TOP1: variants seen among roughly 807,000 people sequenced by gnomAD.
TOP1 encodes DNA topoisomerase I.
TOP1 carries 10 observed loss-of-function variants against 111.1 expected under a neutral mutation model. That is an observed-to-expected ratio of 0.09 (90% CI 0.06 to 0.15). The LOEUF (loss-of-function observed/expected upper bound fraction) is 0.15, where lower values mean the gene tolerates loss of function less well. TOP1 is among the 10% of genes least tolerant of loss of function. TOP1 has a pLI of 1.00. For synonymous variants in TOP1, 271 were observed against 302.9 expected, an observed-to-expected ratio of 0.89 and a Z score of 1.10; for missense variants, 474 against 926.7, an observed-to-expected ratio of 0.51 and a Z score of 6.34.
intron 8 of TOP1, among the ~76,000 whole-genome samples, chr20:41,085,660 CT>C (rs1191793905): frequency 1.3e-5 from 2 of 152,294 alleles, no homozygotes; most frequent in Admixed American, 1.3e-4. Context: ...TCTCATTTTC[CT>C]TTCCAGCTTT....
intron 5 of TOP1, 39 bp downstream of exon 5, chr20:41,077,676 G>C (rs764399528): frequency 4.4e-6 from 7 of 1,586,406 alleles, no homozygotes; most frequent in Non-Finnish European, 6.1e-6. Flanking sequence ...CTTTCTCTGG[G>C]TGGACAGCAG....
chr20:41,055,261 G>A (rs2033456396), intron 2 of TOP1, among the ~76,000 whole-genome samples: 2 of 152,198 alleles, frequency 1.3e-5, no homozygotes, highest in Admixed American at 6.5e-5. Context: ...TTTCATATCT[G>A]TCAGTTAAAT....
rs1244068607 is a variant in TOP1 at position 41,101,156 on chromosome 20, T to C, written c.1164-53T>C. 16 of 1,601,976 alleles carry C rather than the reference T, an allele frequency of 1.0e-5. No individual in the cohort carries two copies. Among genetic ancestry groups the C allele is most frequent in the South Asian group, 1.1e-5 (1 of 90,550 alleles). ...TAGGTCCACTTGGGGTCATGAAAGG[T>C]GAAATTATTCCTCACATCTTATTTC... is the stretch of plus-strand genomic sequence containing the variant. On this transcript the variant is annotated intron_variant, in intron 12 of 20. Coordinates refer to ENST00000361337, the MANE Select transcript of TOP1 (RefSeq NM_003286.4). The surrounding 1 kb of genome is among the most constrained non-coding windows in gnomAD (Gnocchi z 4.1).
Position 41,112,133 on chromosome 20 carries a change from T to C in TOP1, c.1309-649T>C, listed in dbSNP as rs548026611. Reference sequence around the variant, plus strand: ...GAAGTTAGAAAATGGTGAATAATTATGGCTGTTCCTGGAAGTCATTGTGTC... The same window carrying C: ...GAAGTTAGAAAATGGTGAATAATTACGGCTGTTCCTGGAAGTCATTGTGTC... On this transcript the variant is annotated intron_variant, in intron 13 of 20. Coordinates refer to ENST00000361337, the MANE Select transcript of TOP1 (RefSeq NM_003286.4). The surrounding 1 kb of genome is among the most constrained non-coding windows in gnomAD (Gnocchi z 5.8). Among the ~76,000 whole-genome samples, 1 of 152,348 alleles carries C rather than the reference T, an allele frequency of 6.6e-6. No homozygotes were observed.
rs893252959 is a variant in TOP1 at position 41,112,438 on chromosome 20, C to A, written c.1309-344C>A. On this transcript the variant is annotated intron_variant, in intron 13 of 20. Transcript: ENST00000361337. This position sits in a 1 kb window ranked among gnomAD's most constrained non-coding sequence, Gnocchi z 5.8. ...AGCTAGAAACTTTCTTCTGGGAAAG[C>A]CTTAGAAGTCAGTTGTGCTTGGCAG... 6.6e-6 allele frequency among the ~76,000 whole-genome samples: 1 copy of A among 152,176 alleles called. No homozygotes were observed. The highest frequency in any genetic ancestry group is 2.4e-5 in the African/African-American group (1 of 41,440).
intron 14 of TOP1, 24 bp from the exon 15 acceptor site, chr20:41,113,946 A>C (rs762248238): frequency 1.3e-6 from 2 of 1,597,248 alleles, no homozygotes; most frequent in African/African-American, 1.3e-5. Context: ...ATTCATGCTC[A>C]TCTTTTCTTT....
intron 2 of TOP1, among the ~76,000 whole-genome samples, chr20:41,037,955 T>A (rs1325759273): frequency 6.6e-6 from 1 of 152,138 alleles, no homozygotes; most frequent in Non-Finnish European, 1.5e-5. Context: ...TAAAGAGTCT[T>A]CAAAGATAAA....
rs192342502 is a variant in TOP1, at chr20:41,039,639, T to C, written c.58+10184T>C. ...AATAGTTTTCAGCTGGGCTTGGTAA[T>C]GGCTCATGCCTGTAATTCCACCATT... On this transcript the variant is annotated intron_variant, in intron 2 of 20. Transcript: ENST00000361337. Among the ~76,000 whole-genome samples the C allele has an allele frequency of 3.3e-4, 50 of 152,332 alleles. No individual in the cohort carries two copies. The East Asian group carries it at 9.4e-3, about 29-fold the overall frequency.
In TOP1 at chr20:41,082,964, A is replaced by G. The variant is rs563775865; in HGVS notation, c.508-1498A>G. 2.0e-5 allele frequency among the ~76,000 whole-genome samples: 3 copies of G among 152,280 alleles called. No homozygotes were observed. The highest frequency in any genetic ancestry group is 2.1e-4 in the South Asian group (1 of 4,828). On this transcript the variant is annotated intron_variant, in intron 7 of 20. Coordinates refer to ENST00000361337, the MANE Select transcript of TOP1 (RefSeq NM_003286.4). This position sits in a 1 kb window ranked among gnomAD's most constrained non-coding sequence, Gnocchi z 4.1. ...TTTAGCAGCCCTACCACATAGGGGG[A>G]AAAATGCTGGCTGAAAGACTGAATT...
Position 41,115,032 on chromosome 20 carries a change from A to G in TOP1, c.1639-339A>G, listed in dbSNP as rs2034306268. Among the ~76,000 whole-genome samples the G allele has an allele frequency of 6.6e-6, 1 of 152,216 alleles. No homozygotes were observed. The highest frequency in any genetic ancestry group is 2.1e-4 in the South Asian group (1 of 4,828). On this transcript the variant is annotated intron_variant, in intron 15 of 20. Transcript: ENST00000361337. This position sits in a 1 kb window ranked among gnomAD's most constrained non-coding sequence, Gnocchi z 6.3. Reference sequence around the variant, plus strand: ...GAACATACACACTGAAATGTTTAGGACCATATTATAAGTAAGTACTTATAA... The same window carrying G: ...GAACATACACACTGAAATGTTTAGGGCCATATTATAAGTAAGTACTTATAA...
intron 8 of TOP1, among the ~76,000 whole-genome samples, chr20:41,085,278 A>G (rs568631441): frequency 2.0e-5 from 3 of 152,376 alleles, no homozygotes; most frequent in Admixed American, 6.5e-5. Context: ...TGCAAAAAAA[A>G]TGATAAATCT....
intron 2 of TOP1, among the ~76,000 whole-genome samples, chr20:41,038,615 G>T (rs116081232): frequency 6.6e-6 from 1 of 152,158 alleles, no homozygotes; most frequent in Admixed American, 6.5e-5. Flanking sequence ...TGACTTTGCG[G>T]CAACTTCAGT....
At chr20:41,090,297 T>C (rs913905630) in intron 8 of TOP1, among the ~76,000 whole-genome samples, 1 of 152,024 alleles carries the variant, frequency 6.6e-6, no homozygotes, top group African/African-American at 2.4e-5. Context: ...TAATTTTATC[T>C]TTTTTTTCCC....
Position 41,032,052 on chromosome 20 carries a change from T to TA in TOP1, c.58+2604dup. Among the ~76,000 whole-genome samples the TA allele has an allele frequency of 6.6e-6, 1 of 152,258 alleles. No individual in the cohort carries two copies. Among genetic ancestry groups the TA allele is most frequent in the East Asian group, 1.9e-4 (1 of 5,186 alleles). ...ATTTATGTAACTATGAAAAAAACTTTAAAAAAAGTAGAAATCAATGTTTAA... is the reference window on the plus strand; with the variant it reads ...ATTTATGTAACTATGAAAAAAACTTTAAAAAAAAGTAGAAATCAATGTTTAA... On this transcript the variant is annotated intron_variant, in intron 2 of 20. Transcript: ENST00000361337. This position sits in a 1 kb window ranked among gnomAD's most constrained non-coding sequence, Gnocchi z 4.3.
chr20:41,070,018 A>ACCT (rs1255785101), intron 3 of TOP1, among the ~76,000 whole-genome samples: 7 of 152,206 alleles, frequency 4.6e-5, no homozygotes, highest in African/African-American at 1.4e-4. Context: ...CTTGAGGCAA[A>ACCT]ACTATTAAAT....
chr20:41,113,819 C>T, intron 14 of TOP1, 151 bp from the exon 15 acceptor site: 1 of 549,178 alleles, frequency 1.8e-6, no homozygotes, highest in Non-Finnish European at 3.1e-6. Flanking sequence ...GGAGACGGAG[C>T]TTGCAGTGAG....
Position 41,098,405 on chromosome 20 carries a change from T to G in TOP1, c.975+68T>G. 6.6e-7 allele frequency: 1 copy of G among 1,522,000 alleles called. No individual in the cohort carries two copies. Among genetic ancestry groups the G allele is most frequent in the Non-Finnish European group, 9.0e-7 (1 of 1,110,932 alleles). 94.3% of individuals were successfully genotyped at this position (1,522,000 alleles called of 1,614,324 possible). On this transcript the variant is annotated intron_variant, in intron 11 of 20. Coordinates refer to ENST00000361337, the MANE Select transcript of TOP1 (RefSeq NM_003286.4). The surrounding 1 kb of genome is among the most constrained non-coding windows in gnomAD (Gnocchi z 5.7). ...TGATTGGTTCATTTAACTTTCTTCT[T>G]GGTTCTTATGACACAACATTAACAT...
In TOP1 at chr20:41,098,140, T is replaced by C. The variant is rs187835581; in HGVS notation, c.853-75T>C. On this transcript the variant is annotated intron_variant, in intron 10 of 20. Transcript: ENST00000361337. This position sits in a 1 kb window ranked among gnomAD's most constrained non-coding sequence, Gnocchi z 5.7. ...ACTGAAAAAATGGTGCTTGGGTGTA[T>C]TTGCAAAGAAACCCAAGGACTTATT... 20 of 1,514,066 alleles carry C rather than the reference T, an allele frequency of 1.3e-5. No homozygotes were observed. The African/African-American group carries it at 2.1e-4, about 16-fold the overall frequency. 93.8% of individuals were successfully genotyped at this position (1,514,066 alleles called of 1,614,324 possible). A position where few individuals can be genotyped will look rare whatever the true frequency, so the allele number is the denominator to read the frequency against.
At chr20:41,049,267 G>T (rs1223081916) in intron 2 of TOP1, among the ~76,000 whole-genome samples, 17 of 152,278 alleles carry the variant, frequency 1.1e-4, no homozygotes, top group Non-Finnish European at 1.5e-5. Context: ...GAACACTTGG[G>T]CACTTTGGAA....
Sources: allele counts gnomAD v4.1 joint callset (sites outside exome capture counted in the v4.1 genomes callset), GRCh38; gene constraint gnomAD v4.1.1; non-coding constraint Gnocchi (gnomAD v3.1); transcripts MANE v1.5; gene names NCBI Gene and HGNC (gene_info 2026-07-23, HGNC 2026-07-21).